SEC14L3: variants seen among roughly 807,000 people sequenced by gnomAD.
The protein encoded by SEC14L3 is SEC14-like protein 3.
Under a neutral mutation model 57.4 loss-of-function variants are expected in SEC14L3, and 56 were observed. That is an observed-to-expected ratio of 0.97 (90% CI 0.79 to 1.22). The LOEUF (loss-of-function observed/expected upper bound fraction) is 1.22. Ranked by LOEUF, SEC14L3 falls within the 50% of genes most tolerant of loss-of-function variation. The probability of loss-of-function intolerance (pLI) is 0.00; values close to 1 mark genes in which losing one functional copy is unlikely to be tolerated. For synonymous variants in SEC14L3, 173 were observed against 194.4 expected (o/e 0.89, Z 0.92); for missense variants, 485 against 511.7 (o/e 0.95, Z 0.50).
At chr22:30,451,285 G>A (rs371095564) in intron 12 of SEC14L3, among the ~76,000 whole-genome samples, 58 of 152,248 alleles carry the variant, frequency 3.8e-4, no homozygotes, top group Non-Finnish European at 4.7e-4. Context: ...GCAGGGGAGC[G>A]TGAAGAGATC....
At chr22:30,470,407 G>A (rs539146362) in intron 2 of SEC14L3, 100 bp downstream of exon 2, 2 of 1,602,592 alleles carry the variant, frequency 1.2e-6, no homozygotes, top group Non-Finnish European at 1.7e-6. Context: ...AAGCAAGATT[G>A]TGTGGATGGA....
chr22:30,451,793 C>A (rs1934985633), intron 12 of SEC14L3, among the ~76,000 whole-genome samples: 1 of 151,820 alleles, frequency 6.6e-6, no homozygotes, highest in Non-Finnish European at 1.5e-5. Flanking sequence ...AGTTCGAGAC[C>A]AGCCTGGCCA....
In SEC14L3 at chr22:30,471,023, G is replaced by A. The variant is rs7291381; in HGVS notation, c.55-441C>T. 1,464 of 309,486 alleles carry A rather than the reference G, an allele frequency of 4.7e-3. 7 individuals are homozygous for A. The highest frequency in any genetic ancestry group is 7.5e-3 in the Non-Finnish European group (1,198 of 160,098). 19.2% of individuals were successfully genotyped at this position (309,486 alleles called of 1,614,324 possible). A position where few individuals can be genotyped will look rare whatever the true frequency, so the allele number is the denominator to read the frequency against. ...TAAACAGCCAGGTATGGTGGCTCAC[G>A]CCTGTCATCCCAGCACTTTAGGAGG... On this transcript the variant is annotated intron_variant, in intron 1 of 11. Coordinates refer to ENST00000215812, the MANE Select transcript of SEC14L3 (RefSeq NM_174975.5).
intron 12 of SEC14L3, among the ~76,000 whole-genome samples, chr22:30,450,394 T>C (rs1223630217): frequency 6.6e-6 from 1 of 152,076 alleles, no homozygotes; most frequent in African/African-American, 2.4e-5. Context: ...CAACCTCCAC[T>C]TCCCAGGTTC....
In SEC14L3 at chr22:30,467,021, C is replaced by T. The variant is rs142636401; in HGVS notation, c.480G>A (p.Leu160=). 6.2e-7 allele frequency: 1 copy of T among 1,614,110 alleles called. No individual in the cohort carries two copies. Among genetic ancestry groups the T allele is most frequent in the African/African-American group, 1.3e-5 (1 of 75,028 alleles). The change falls in exon 6 of 12, where the codon CTG becomes CTA. Residue 160 remains leucine (L), a synonymous_variant. Coordinates refer to ENST00000215812, the MANE Select transcript of SEC14L3 (RefSeq NM_174975.5). ...VMIFDCEGLG[L]KHFWKPLVEV... ...CTACCAGAGGTTTCCAGAAGTGTTT[C>T]AGTCCCAGGCCCTCACAGTCAAATA...
intron 11 of SEC14L3, among the ~76,000 whole-genome samples, chr22:30,460,757 G>C (rs575509660): frequency 6.6e-6 from 1 of 152,006 alleles, no homozygotes; most frequent in Non-Finnish European, 1.5e-5. Context: ...GAACCCGGGA[G>C]GGGGAGGTTG....
intron 12 of SEC14L3, among the ~76,000 whole-genome samples, chr22:30,449,882 T>G (rs940678643): frequency 5.9e-5 from 9 of 152,124 alleles, no homozygotes; most frequent in Non-Finnish European, 1.2e-4. Flanking sequence ...GTCCCTGTTG[T>G]AAATCAGCGC....
chr22:30,471,281 A>G (rs1464864115), intron 1 of SEC14L3: 2 of 451,186 alleles, frequency 4.4e-6, no homozygotes, highest in Non-Finnish European at 8.9e-6. Context: ...ACTCCATCTC[A>G]AAAAAAAGAA....
chr22:30,461,525 G>A lies in SEC14L3; in HGVS notation c.911+30C>T, dbSNP rs1935262768. ...AGACAGGTTGCTGCTCAGCCTGATG[G>A]GTCTCTGAGGGGTTAGGGCCTGCCC... On this transcript the variant is annotated intron_variant, in intron 10 of 11. Transcript: ENST00000215812. 9 of 1,613,940 alleles carry A rather than the reference G, an allele frequency of 5.6e-6. No homozygotes were observed. The South Asian group carries it at 7.7e-5, about 14-fold the overall frequency.
Position 30,460,144 on chromosome 22 carries a change from TG to T in SEC14L3, c.1082-3del. The T allele has an allele frequency of 6.2e-7, 1 of 1,613,518 alleles. No homozygotes were observed. Among genetic ancestry groups the T allele is most frequent in the African/African-American group, 1.3e-5 (1 of 75,024 alleles). ...AGGTGTTGTCGAAGCGTAGGACATCTGGGGGACAGATGGAAAGAGGGGCATT... is the reference window on the plus strand; with the variant it reads ...AGGTGTTGTCGAAGCGTAGGACATCTGGGGACAGATGGAAAGAGGGGCATT... On this transcript the variant is annotated splice_region_variant and splice_polypyrimidine_tract_variant and intron_variant, in intron 11 of 11. Coordinates refer to ENST00000215812, the MANE Select transcript of SEC14L3 (RefSeq NM_174975.5).
Position 30,459,849 on chromosome 22 carries a change from A to T in SEC14L3, c.*172T>A. On this transcript the variant is annotated 3_prime_UTR_variant, in exon 12 of 12. Transcript: ENST00000215812. ...TACCCTCCAAGGTTGTGCCTCTCAT[A>T]CCTTTCTTGATCTGACCACAGTAGA... 1 of 1,347,072 alleles carries T rather than the reference A, an allele frequency of 7.4e-7. No individual in the cohort carries two copies. Among genetic ancestry groups the T allele is most frequent in the Non-Finnish European group, 9.6e-7 (1 of 1,045,178 alleles). 83.4% of individuals were successfully genotyped at this position (1,347,072 alleles called of 1,614,324 possible). A position where few individuals can be genotyped will look rare whatever the true frequency, so the allele number is the denominator to read the frequency against.
exon 13 of SEC14L3, chr22:30,448,486 C>G (rs989658031): frequency 1.3e-5 from 2 of 151,820 alleles, no homozygotes; most frequent in Non-Finnish European, 2.9e-5. Flanking sequence ...TCACTCCTAT[C>G]CTGCTCTCTT....
Position 30,453,827 on chromosome 22 carries a change from C to G in SEC14L3, c.905-4583G>C, listed in dbSNP as rs528323926. On this transcript the variant is annotated intron_variant, in intron 12 of 12. Coordinates refer to the SEC14L3 transcript ENST00000403066. ...AGAGATAGGGCTGACAGCTTACTCT[C>G]TTCAGAGTTTCCTGGGGAAGGGGAC... Among the ~76,000 whole-genome samples, 10 of 152,270 alleles carry G rather than the reference C, an allele frequency of 6.6e-5. No individual in the cohort carries two copies. In the East Asian group the frequency reaches 1.5e-3, roughly 24 times the overall value.
At chr22:30,462,248 T>C (rs1935292391) in intron 8 of SEC14L3, 56 bp from the exon 9 acceptor site, 1 of 1,546,246 alleles carries the variant, frequency 6.5e-7, no homozygotes, top group Admixed American at 1.9e-5. Context: ...CCAATTAGCC[T>C]CCCACACCCA....
In SEC14L3 at chr22:30,468,489, C is replaced by G. The variant is rs756710531; in HGVS notation, c.423+19G>C. ...CTCACCTGCCCCCAGCCATCCACCC[C>G]ACCTGGCCTGGACCTCACCCTCTCT... On this transcript the variant is annotated intron_variant, in intron 5 of 11. Coordinates refer to ENST00000215812, the MANE Select transcript of SEC14L3 (RefSeq NM_174975.5). 5.6e-6 allele frequency: 9 copies of G among 1,595,040 alleles called. No individual in the cohort carries two copies. The highest frequency in any genetic ancestry group is 7.7e-6 in the Non-Finnish European group (9 of 1,164,750).
In SEC14L3 at chr22:30,461,382, G is replaced by A; in HGVS notation, c.1009C>T (p.Leu337=). The change falls in exon 11 of 12, where the codon CTA becomes TTA. Residue 337 remains leucine, a synonymous_variant. Transcript: ENST00000215812. ...TGGGCGTTATAGCGCTGGCTGGGTA[G>A]AACATCTGTCATCTCCCCTGCCCGC... ...RQRAGEMTDV[L]PSQRYNAHMV... The A allele has an allele frequency of 6.2e-7, 1 of 1,614,038 alleles. No homozygotes were observed. The highest frequency in any genetic ancestry group is 8.5e-7 in the Non-Finnish European group (1 of 1,179,932).
intron 12 of SEC14L3, among the ~76,000 whole-genome samples, chr22:30,452,987 G>A (rs1935017434): frequency 6.6e-6 from 1 of 151,982 alleles, no homozygotes; most frequent in Admixed American, 6.6e-5. Context: ...CAAAATGTTG[G>A]GATTACAAGT....
chr22:30,454,443 A>G (rs1935042203), downstream of SEC14L3, among the ~76,000 whole-genome samples: 1 of 147,296 alleles, frequency 6.8e-6, no homozygotes, highest in African/African-American at 2.5e-5. Flanking sequence ...CCTTCAGAAG[A>G]CAACGAAAAA....
downstream of SEC14L3, among the ~76,000 whole-genome samples, chr22:30,457,718 A>C: frequency 6.7e-6 from 1 of 148,856 alleles, no homozygotes; most frequent in Admixed American, 6.7e-5. Flanking sequence ...AAATCTGACA[A>C]CCCTCATTTT....
Sources: gnomAD v4.1 joint callset for allele counts (sites outside exome capture counted in the v4.1 genomes callset) on GRCh38, gnomAD v4.1.1 for gene constraint, MANE v1.5 for transcripts, NCBI Gene and HGNC (gene_info 2026-07-23, HGNC 2026-07-21) for gene names.